CAMK1D: variants seen among roughly 807,000 people sequenced by gnomAD.
CAMK1D encodes calcium/calmodulin-dependent protein kinase type 1D.
Under a neutral mutation model 47.7 loss-of-function variants are expected in CAMK1D, and 9 were observed. That is an observed-to-expected ratio of 0.19 (90% confidence interval 0.11 to 0.33). The LOEUF is 0.33. Ranked by LOEUF, CAMK1D falls within the 10% of genes least tolerant of loss-of-function variation. The pLI is 1.00. For synonymous variants in CAMK1D, 184 were observed against 184.9 expected (o/e 0.99, Z 0.04); for missense variants, 291 against 488.7 (o/e 0.60, Z 3.81).
intron 2 of CAMK1D, among the ~76,000 whole-genome samples, chr10:12,596,018 G>C (rs1838137715): frequency 6.6e-6 from 1 of 151,892 alleles, no homozygotes; most frequent in Non-Finnish European, 1.5e-5. Flanking sequence ...GGAGTTGTTA[G>C]GGTTTTGTCT....
At chr10:12,720,536 G>A (rs1460007615) in intron 3 of CAMK1D, among the ~76,000 whole-genome samples, 1 of 152,212 alleles carries the variant, frequency 6.6e-6, no homozygotes, top group Non-Finnish European at 1.5e-5. Flanking sequence ...AGGGTAATAA[G>A]ATCTAGAGAT....
chr10:12,746,155 G>C (rs1233610603), intron 3 of CAMK1D, among the ~76,000 whole-genome samples: 1 of 145,306 alleles, frequency 6.9e-6, no homozygotes, highest in Non-Finnish European at 1.5e-5. Flanking sequence ...GCATGGTCAG[G>C]AGGTGGAGAT....
chr10:12,401,213 GTATTATATATATTATA>G lies in CAMK1D; in HGVS notation c.92+51307_92+51322del, dbSNP rs1839192722. 8.9e-5 allele frequency among the ~76,000 whole-genome samples: 3 copies of G among 33,520 alleles called. 1 individual carries two copies. The highest frequency in any genetic ancestry group is 1.5e-4 in the Non-Finnish European group (3 of 20,124). 22.0% of individuals were successfully genotyped at this position (33,520 alleles called of 152,430 possible). On this transcript the variant is annotated intron_variant, in intron 1 of 10. Coordinates refer to ENST00000619168, the MANE Select transcript of CAMK1D (RefSeq NM_153498.4). ...TATATTTTATATATATATAATATAT[GTATTATATATATTATA>G]TATATATTTTATATATATATAATAT...
At chr10:12,814,834 G>A (rs538489302) in intron 7 of CAMK1D, among the ~76,000 whole-genome samples, 27 of 152,264 alleles carry the variant, frequency 1.8e-4, no homozygotes, top group East Asian at 3.9e-4. Flanking sequence ...ACATATTTGC[G>A]TTTGACTTGC....
At chr10:12,604,553 CA>C (rs1838395309) in intron 2 of CAMK1D, among the ~76,000 whole-genome samples, 1 of 152,164 alleles carries the variant, frequency 6.6e-6, no homozygotes, top group Admixed American at 6.5e-5. Context: ...TTCAGAGTCT[CA>C]GAAACTTGAG....
chr10:12,654,873 G>A (rs1840075385), intron 2 of CAMK1D, among the ~76,000 whole-genome samples: 1 of 152,224 alleles, frequency 6.6e-6, no homozygotes, highest in Non-Finnish European at 1.5e-5. Flanking sequence ...TGACTTACCA[G>A]TGGTTCTCAA....
chr10:12,695,409 G>A (rs1030369090), intron 3 of CAMK1D, among the ~76,000 whole-genome samples: 6 of 152,124 alleles, frequency 3.9e-5, no homozygotes, highest in South Asian at 4.2e-4. Context: ...TCCCCAAGGC[G>A]TGCCCTTCAT....
chr10:12,625,798 C>T lies in CAMK1D; in HGVS notation c.225-40938C>T, dbSNP rs534456815. Reference sequence around the variant, plus strand: ...TCTTCACTTGAAGTTTTAAAAGATTCGTGAAGATTACATTTGAACGTGTCT... The same window carrying T: ...TCTTCACTTGAAGTTTTAAAAGATTTGTGAAGATTACATTTGAACGTGTCT... On this transcript the variant is annotated intron_variant, in intron 2 of 10. Transcript: ENST00000619168. Among the ~76,000 whole-genome samples, 14 of 152,082 alleles carry T rather than the reference C, an allele frequency of 9.2e-5. 1 individual carries two copies. Among genetic ancestry groups the T allele is most frequent in the South Asian group, 4.2e-4 (2 of 4,810 alleles).
intron 1 of CAMK1D, among the ~76,000 whole-genome samples, chr10:12,524,377 T>G (rs1835548482): frequency 6.6e-6 from 1 of 152,218 alleles, no homozygotes; most frequent in African/African-American, 2.4e-5. Flanking sequence ...GTGTTTCCTC[T>G]TCATAGTTTT....
At chr10:12,387,445 T>TATATATATATATATATA (rs1554763300) in intron 1 of CAMK1D, among the ~76,000 whole-genome samples, 1 of 66,660 alleles carries the variant, frequency 1.5e-5, no homozygotes. Context: ...TATATATATT[T>TATATATATATATATATA]TATATATATA....
rs571915180 is a variant in CAMK1D at position 12,646,370 on chromosome 10, C to T, written c.225-20366C>T. On this transcript the variant is annotated intron_variant, in intron 2 of 10. Transcript: ENST00000619168. Reference sequence around the variant, plus strand: ...TATAGCTTGTATTATTATAATATTACAGAAATAGTAAACGTTTTTTTCTCT... The same window carrying T: ...TATAGCTTGTATTATTATAATATTATAGAAATAGTAAACGTTTTTTTCTCT... 2.0e-5 allele frequency among the ~76,000 whole-genome samples: 3 copies of T among 152,198 alleles called. No homozygotes were observed. In the East Asian group the frequency reaches 5.8e-4, roughly 29 times the overall value.
intron 1 of CAMK1D, among the ~76,000 whole-genome samples, chr10:12,419,242 G>A (rs756412605): frequency 2.6e-5 from 4 of 151,314 alleles, no homozygotes; most frequent in Non-Finnish European, 4.4e-5. Context: ...CCTACTTTCT[G>A]CCCCTATGAA....
intron 1 of CAMK1D, among the ~76,000 whole-genome samples, chr10:12,488,611 A>T (rs1834284364): frequency 6.6e-6 from 1 of 152,156 alleles, no homozygotes; most frequent in African/African-American, 2.4e-5. Flanking sequence ...TATATAATAT[A>T]TAACGAGATA....
chr10:12,678,024 G>T (rs1406490410), intron 3 of CAMK1D, among the ~76,000 whole-genome samples: 1 of 124,476 alleles, frequency 8.0e-6, no homozygotes, highest in Non-Finnish European at 1.8e-5. Flanking sequence ...AGAGAGTTAA[G>T]AAGATAAAGA....
intron 10 of CAMK1D, 100 bp from the exon 11 acceptor site, chr10:12,828,669 C>G: frequency 2.3e-6 from 2 of 883,440 alleles, no homozygotes; most frequent in Middle Eastern, 3.3e-4. Context: ...GGCCCCCCCG[C>G]CCCCCACCAT....
intron 1 of CAMK1D, among the ~76,000 whole-genome samples, chr10:12,415,100 C>T (rs1429711327): frequency 6.6e-6 from 1 of 152,024 alleles, no homozygotes; most frequent in Non-Finnish European, 1.5e-5. Context: ...TAGTCAGGGC[C>T]ACCTTTCTTA....
intron 5 of CAMK1D, among the ~76,000 whole-genome samples, chr10:12,777,372 T>TTTC (rs1837301409): frequency 7.0e-6 from 1 of 143,164 alleles, no homozygotes; most frequent in African/African-American, 2.6e-5. Context: ...ACTTTTTTTT[T>TTTC]TTTTTTTTTT....
chr10:12,623,947 C>G (rs188702566), intron 2 of CAMK1D, among the ~76,000 whole-genome samples: 61 of 152,066 alleles, frequency 4.0e-4, no homozygotes, highest in African/African-American at 1.4e-3. Flanking sequence ...GGCATAGTGG[C>G]GTGTACCTGT....
intron 1 of CAMK1D, among the ~76,000 whole-genome samples, chr10:12,457,355 C>T (rs1486423015): frequency 6.6e-6 from 1 of 151,466 alleles, no homozygotes; most frequent in Admixed American, 6.6e-5. Flanking sequence ...CGAGCCACTG[C>T]CCTCCAGCCT....
Sources: allele counts gnomAD v4.1 joint callset (sites outside exome capture counted in the v4.1 genomes callset), GRCh38; gene constraint gnomAD v4.1.1; transcripts MANE v1.5; gene names NCBI Gene and HGNC (gene_info 2026-07-23, HGNC 2026-07-21).